Variants in SPTLC2 observed in about 807,000 individuals in gnomAD.
SPTLC2 encodes serine palmitoyltransferase long chain base subunit 2, also known as serine palmitoyltransferase 2.
SPTLC2 carries 21 observed loss-of-function variants against 62.0 expected under a neutral mutation model. That is an observed-to-expected ratio of 0.34 (90% CI 0.24 to 0.49). The LOEUF (loss-of-function observed/expected upper bound fraction) is 0.49, where lower values mean the gene tolerates loss of function less well. Ranked by LOEUF, SPTLC2 falls within the 20% of genes least tolerant of loss-of-function variation. SPTLC2 has a pLI of 0.99. For missense variants in SPTLC2, 511 were observed against 713.0 expected (o/e 0.72, Z 3.23); for synonymous variants, 261 against 261.8 (o/e 1.00, Z 0.03).
intron 10 of SPTLC2, among the ~76,000 whole-genome samples, chr14:77,519,439 C>T (rs963891505): frequency 5.9e-5 from 9 of 151,564 alleles, no homozygotes; most frequent in Admixed American, 3.3e-4. Flanking sequence ...AAAATGTGGC[C>T]GGGCCAGTGG....
intron 10 of SPTLC2, among the ~76,000 whole-genome samples, chr14:77,519,086 CTGCAGTGCAGTGGCACGATCT>C (rs2079373053): frequency 6.6e-6 from 1 of 152,182 alleles, no homozygotes. Flanking sequence ...TGTCGCCAGG[CTGCAGTGCAGTGGCACGATCT>C]TGGCTCACCA....
In SPTLC2 at chr14:77,509,477, G is replaced by C. The variant is rs560223593; in HGVS notation, c.*2807C>G. The C allele has an allele frequency of 2.5e-4, 41 of 163,756 alleles. No individual in the cohort carries two copies. The highest frequency in any genetic ancestry group is 3.6e-4 in the Non-Finnish European group (27 of 75,896). 10.1% of individuals were successfully genotyped at this position (163,756 alleles called of 1,614,324 possible). A position where few individuals can be genotyped will look rare whatever the true frequency, so the allele number is the denominator to read the frequency against. On this transcript the variant is annotated 3_prime_UTR_variant, in exon 12 of 12. Coordinates refer to ENST00000216484, the MANE Select transcript of SPTLC2 (RefSeq NM_004863.4). ...TGAATAAAAAGAGGAATGAGAAAAA[G>C]TGCTAAGGACTAGTCACACCTCTAT...
At chr14:77,545,142 T>C (rs1328108746) in intron 9 of SPTLC2, among the ~76,000 whole-genome samples, 5 of 151,986 alleles carry the variant, frequency 3.3e-5, no homozygotes, top group Admixed American at 2.0e-4. Flanking sequence ...CCAAAGTAGA[T>C]AGCAGGGAGG....
chr14:77,535,719 G>A (rs753793152), intron 9 of SPTLC2: 8 of 302,262 alleles, frequency 2.6e-5, no homozygotes, highest in Non-Finnish European at 4.5e-5. Context: ...CTCTCTGTAC[G>A]GATATCTACA....
chr14:77,513,171 T>C (rs12436583), intron 11 of SPTLC2, among the ~76,000 whole-genome samples: 131,499 of 151,582 alleles, frequency 0.87, 57,830 homozygotes, highest in East Asian at 1. Flanking sequence ...ACTACAGGCA[T>C]GTGCCATCAC....
In SPTLC2 at chr14:77,512,255, G is replaced by A. The variant is rs117019841; in HGVS notation, c.*29C>T. 25 of 1,613,042 alleles carry A rather than the reference G, an allele frequency of 1.5e-5. No homozygotes were observed. The East Asian group carries it at 5.1e-4, about 33-fold the overall frequency. ...GCCACAGGCTGTCCTGGGTGAGGGAGAGTTCCTCTGAGGGAGCACCAAAAA... is the reference window on the plus strand; with the variant it reads ...GCCACAGGCTGTCCTGGGTGAGGGAAAGTTCCTCTGAGGGAGCACCAAAAA... On this transcript the variant is annotated 3_prime_UTR_variant, in exon 12 of 12. Coordinates refer to ENST00000216484, the MANE Select transcript of SPTLC2 (RefSeq NM_004863.4).
chr14:77,581,918 T>C (rs982990763), intron 2 of SPTLC2, among the ~76,000 whole-genome samples: 2 of 152,194 alleles, frequency 1.3e-5, no homozygotes, highest in African/African-American at 2.4e-5. Flanking sequence ...TTATTATCCA[T>C]GCATTTATTT....
At chr14:77,530,691 G>T (rs931853476) in intron 9 of SPTLC2, among the ~76,000 whole-genome samples, 3 of 152,158 alleles carry the variant, frequency 2.0e-5, no homozygotes. Flanking sequence ...TAAGAGTTAT[G>T]TTACAGCTAA....
chr14:77,597,003 G>A (rs1191800003), intron 2 of SPTLC2, among the ~76,000 whole-genome samples, 183 bp downstream of exon 2: 1 of 152,072 alleles, frequency 6.6e-6, no homozygotes, highest in Non-Finnish European at 1.5e-5. Context: ...CATGATGAAT[G>A]CTTTGATATC....
intron 9 of SPTLC2, among the ~76,000 whole-genome samples, chr14:77,526,794 T>G (rs2079411109): frequency 7.6e-6 from 1 of 131,048 alleles, no homozygotes; most frequent in East Asian, 2.1e-4. Flanking sequence ...TTAGATTATT[T>G]AGTTCTTTTT....
At chr14:77,581,694 G>A (rs930052540) in intron 2 of SPTLC2, among the ~76,000 whole-genome samples, 6 of 151,994 alleles carry the variant, frequency 3.9e-5, no homozygotes, top group African/African-American at 7.2e-5. Context: ...TTAAAGGTGT[G>A]AGCCACCATG....
chr14:77,563,382 T>C (rs1036207212), intron 5 of SPTLC2, among the ~76,000 whole-genome samples: 2 of 152,180 alleles, frequency 1.3e-5, no homozygotes, highest in Non-Finnish European at 2.9e-5. Context: ...CTGTGGGACC[T>C]GCAGGCCCTC....
chr14:77,608,926 A>AATG (rs1269539080), intron 1 of SPTLC2, among the ~76,000 whole-genome samples: 2 of 121,642 alleles, frequency 1.6e-5, no homozygotes, highest in African/African-American at 3.6e-5. Context: ...TCAAAATAAT[A>AATG]ATAATAATAA....
chr14:77,522,530 C>G (rs1313774464), intron 9 of SPTLC2, among the ~76,000 whole-genome samples: 1 of 152,198 alleles, frequency 6.6e-6, no homozygotes, highest in Non-Finnish European at 1.5e-5. Context: ...TATCTTTAAT[C>G]CTATTTTGCT....
chr14:77,535,105 T>C (rs2079462509), intron 9 of SPTLC2, among the ~76,000 whole-genome samples: 1 of 152,158 alleles, frequency 6.6e-6, no homozygotes, highest in South Asian at 2.1e-4. Context: ...TCTTGTATTT[T>C]CAGTAGAGAC....
At chr14:77,610,807 A>G (rs1395916271) in intron 1 of SPTLC2, among the ~76,000 whole-genome samples, 1 of 151,896 alleles carries the variant, frequency 6.6e-6, no homozygotes, top group Non-Finnish European at 1.5e-5. Context: ...GCACTTCAGG[A>G]GGCCAAGGCA....
At chr14:77,583,912 C>G (rs2079767213) in intron 2 of SPTLC2, among the ~76,000 whole-genome samples, 1 of 152,162 alleles carries the variant, frequency 6.6e-6, no homozygotes, top group Non-Finnish European at 1.5e-5. Flanking sequence ...AAACATTCTT[C>G]CTGAAGATCC....
chr14:77,589,836 G>C (rs2079805796), intron 2 of SPTLC2, among the ~76,000 whole-genome samples: 1 of 149,404 alleles, frequency 6.7e-6, no homozygotes, highest in Non-Finnish European at 1.5e-5. Context: ...AAATTAGCTG[G>C]GCGTGGTGGT....
intron 3 of SPTLC2, among the ~76,000 whole-genome samples, chr14:77,578,160 TAAAC>T (rs1473249380): frequency 3.3e-5 from 5 of 151,836 alleles, no homozygotes; most frequent in Non-Finnish European, 5.9e-5. Context: ...AATGAATAAG[TAAAC>T]AAACAAACAA....
Sources: gnomAD v4.1 joint callset for allele counts (sites outside exome capture counted in the v4.1 genomes callset) on GRCh38, gnomAD v4.1.1 for gene constraint, MANE v1.5 for transcripts, NCBI Gene and HGNC (gene_info 2026-07-23, HGNC 2026-07-21) for gene names.